ACP1: variants seen among roughly 807,000 people sequenced by gnomAD.
ACP1 encodes the protein acid phosphatase 1, also known as low molecular weight phosphotyrosine protein phosphatase.
ACP1 carries 23 observed loss-of-function variants against 23.4 expected under a neutral mutation model. The observed-to-expected ratio is 0.98, with a 90% CI of 0.71 to 1.39. The LOEUF is 1.39. ACP1 is among the 40% of genes most tolerant of loss of function. The pLI is 0.00. For synonymous variants in ACP1, 72 were observed against 67.2 expected, an observed-to-expected ratio of 1.07 and a Z score of -0.35; for missense variants, 180 against 197.7, an observed-to-expected ratio of 0.91 and a Z score of 0.54.
At chr2:265,223 G>A (rs1435805516) in intron 1 of ACP1, 4 of 511,728 alleles carry the variant, frequency 7.8e-6, no homozygotes, top group Non-Finnish European at 1.4e-5. Flanking sequence ...GTCCCCTCGC[G>A]CCTGCCATAT....
At chr2:275,798 A>T (rs1211027791) in intron 4 of ACP1, among the ~76,000 whole-genome samples, 3 of 152,202 alleles carry the variant, frequency 2.0e-5, no homozygotes, top group Non-Finnish European at 4.4e-5. Context: ...ACGGATCATA[A>T]TTTAATGTCA....
intron 1 of ACP1, among the ~76,000 whole-genome samples, chr2:268,640 G>A (rs1200561211): frequency 1.3e-5 from 2 of 152,186 alleles, no homozygotes; most frequent in Non-Finnish European, 2.9e-5. Flanking sequence ...CCTTTTATGA[G>A]TCTCCATCCT....
Position 272,080 on chromosome 2 carries a change from A to AC in ACP1, c.167dup (p.Asp57Ter), listed in dbSNP as rs1325618349. Reference sequence around the variant, plus strand: ...GCAACTTCCGGGTATGAGATAGGGAACCCCCCTGACTACCGAGGGCAGAGC... The same window carrying AC: ...GCAACTTCCGGGTATGAGATAGGGAACCCCCCCTGACTACCGAGGGCAGAGC... On this transcript the variant is annotated frameshift_variant, in exon 3 of 6. Coordinates refer to ENST00000272065, the MANE Select transcript of ACP1 (RefSeq NM_004300.4). LOFTEE classifies it high-confidence loss of function. 1 of 1,613,422 alleles carries AC rather than the reference A, an allele frequency of 6.2e-7. No individual in the cohort carries two copies. The highest frequency in any genetic ancestry group is 8.5e-7 in the Non-Finnish European group (1 of 1,179,914).
At chr2:266,336 T>G (rs1669880440) in intron 1 of ACP1, 1 of 152,228 alleles carries the variant, frequency 6.6e-6, no homozygotes, top group African/African-American at 2.4e-5. Context: ...TTTTTAAGAC[T>G]CATTGAAGGC....
At chr2:266,604 T>C (rs951504467) in intron 1 of ACP1, among the ~76,000 whole-genome samples, 2 of 152,206 alleles carry the variant, frequency 1.3e-5, no homozygotes, top group African/African-American at 2.4e-5. Context: ...AATTGGAACA[T>C]GTGTCTGCTC....
chr2:272,573 TTC>T, intron 3 of ACP1: 1 of 959,362 alleles, frequency 1.0e-6, no homozygotes, highest in Non-Finnish European at 1.5e-6. Flanking sequence ...GTGCTCTGTC[TTC>T]TGTTCCTTCC....
intron 1 of ACP1, among the ~76,000 whole-genome samples, chr2:267,268 C>A (rs774696314): frequency 1.3e-5 from 2 of 152,146 alleles, no homozygotes; most frequent in Non-Finnish European, 2.9e-5. Flanking sequence ...GGCATGCATT[C>A]CTCTAAGTGG....
Position 278,117 on chromosome 2 carries a change from A to T in ACP1, c.*813A>T, listed in dbSNP as rs1158191316. On this transcript the variant is annotated 3_prime_UTR_variant, in exon 6 of 6. Coordinates refer to ENST00000272065, the MANE Select transcript of ACP1 (RefSeq NM_004300.4). ...TAAAATAATTTTAAAAGTTGGGAAA[A>T]GTGTTATTATTTGGCATGCTTAAAT... 2.0e-5 allele frequency: 3 copies of T among 152,244 alleles called. No homozygotes were observed. The highest frequency in any genetic ancestry group is 4.4e-5 in the Non-Finnish European group (3 of 68,044). The allele number at this position is 152,244 out of a possible 1,614,324, so 9.4% of individuals were successfully genotyped here.
rs1669801981 is a variant in ACP1, at chr2:264,968, G to A, written c.4G>A (p.Ala2Thr). Residue 2 changes from alanine (A) to threonine (T), a missense_variant, in exon 1 of 6, where the codon GCG becomes ACG. Ala to Thr is a moderately conservative substitution (Grantham distance 58). Around this residue, in one of 3 missense-constraint regions of ACP1, gnomAD observed 132 missense variants for 124.1 expected, o/e 1.06. Transcript: ENST00000272065. ...CGGCGCCTCTGCGCGCGGGAAGATG[G>A]CGGAACAGGCTACCAAGTCCGTGCT... MAEQATKSVLFV... is the reference protein window; with the variant it reads MTEQATKSVLFV... 5 of 1,612,646 alleles carry A rather than the reference G, an allele frequency of 3.1e-6. 1 individual carries two copies. The African/African-American group carries it at 4.0e-5, about 13-fold the overall frequency.
At chr2:273,527 A>T (rs1670098568) in intron 3 of ACP1, among the ~76,000 whole-genome samples, 1 of 152,210 alleles carries the variant, frequency 6.6e-6, no homozygotes, top group South Asian at 2.1e-4. Context: ...ATTCACCTGT[A>T]GTTCGCGGCT....
chr2:270,078 A>G (rs529754092), intron 1 of ACP1, among the ~76,000 whole-genome samples: 19 of 152,276 alleles, frequency 1.2e-4, no homozygotes, highest in Non-Finnish European at 2.6e-4. Context: ...GCCTCTTACA[A>G]GGTCTCTCCA....
At chr2:273,785 T>A (rs1670105129) in intron 3 of ACP1, among the ~76,000 whole-genome samples, 2 of 152,250 alleles carry the variant, frequency 1.3e-5, no homozygotes, top group African/African-American at 4.8e-5. Flanking sequence ...AGTCTTTTTT[T>A]ATGAAAAATT....
At chr2:272,197 C>A in intron 3 of ACP1, 47 bp downstream of exon 3, 1 of 1,614,144 alleles carries the variant, frequency 6.2e-7, no homozygotes, top group Non-Finnish European at 8.5e-7. Context: ...TTCAGTGGGT[C>A]ATTGACAGCG....
In ACP1 at chr2:278,165, G is replaced by A. The variant is rs1398735012; in HGVS notation, c.*861G>A. 6.6e-6 allele frequency: 1 copy of A among 152,174 alleles called. No individual in the cohort carries two copies. Among genetic ancestry groups the A allele is most frequent in the Non-Finnish European group, 1.5e-5 (1 of 68,034 alleles). The allele number at this position is 152,174 out of a possible 1,614,324, so 9.4% of individuals were successfully genotyped here. On this transcript the variant is annotated 3_prime_UTR_variant, in exon 6 of 6. Coordinates refer to ENST00000272065, the MANE Select transcript of ACP1 (RefSeq NM_004300.4). ...AATATTGAATAAGTATTCTTCATCA[G>A]CATTTAATAAATGTATAGGCAGATG...
chr2:275,140 A>G lies in ACP1; in HGVS notation c.232A>G (p.Ile78Val). Residue 78 changes from isoleucine to valine, a missense_variant and splice_region_variant, in exon 4 of 6, where the codon ATT becomes GTT. Around this residue, in one of 3 missense-constraint regions of ACP1, gnomAD observed 132 missense variants for 124.1 expected, o/e 1.06. Transcript: ENST00000272065. ...GIPMSHVARQ[I>V]TKEDFATFDY... ...GTTTTGACTTCTTATTCAATTTTAG[A>G]TTACCAAAGAAGATTTTGCCACATT... 6.7e-7 allele frequency: 1 copy of G among 1,492,430 alleles called. No individual in the cohort carries two copies. The highest frequency in any genetic ancestry group is 1.3e-5 in the South Asian group (1 of 78,856). The allele number at this position is 1,492,430 out of a possible 1,614,324, so 92.4% of individuals were successfully genotyped here. A position where few individuals can be genotyped will look rare whatever the true frequency, so the allele number is the denominator to read the frequency against.
intron 3 of ACP1, among the ~76,000 whole-genome samples, chr2:273,955 G>A (rs1373407517): frequency 6.6e-6 from 1 of 152,084 alleles, no homozygotes; most frequent in Non-Finnish European, 1.5e-5. Flanking sequence ...GAGCCTAGGA[G>A]GTCAAGACCA....
At position 274,558 on chromosome 2, in the gene ACP1, C is replaced by G. The variant is rs375594665; in HGVS notation, c.232-582C>G. Reference sequence around the variant, plus strand: ...AAAATAAAGGAGGACTGTCAGTTATCACTCCTGTGTTTCTTTCTTAGTGAC... The same window carrying G: ...AAAATAAAGGAGGACTGTCAGTTATGACTCCTGTGTTTCTTTCTTAGTGAC... On this transcript the variant is annotated intron_variant, in intron 3 of 5. Transcript: ENST00000272065. The G allele has an allele frequency of 7.0e-4, 107 of 152,286 alleles. 1 individual carries two copies. The highest frequency in any genetic ancestry group is 2.5e-3 in the African/African-American group (103 of 41,554). The allele number at this position is 152,286 out of a possible 1,614,324, so 9.4% of individuals were successfully genotyped here.
intron 1 of ACP1, 24 bp from the exon 2 acceptor site, chr2:271,842 C>G (rs1229582085): frequency 3.9e-5 from 62 of 1,580,246 alleles, no homozygotes; most frequent in Non-Finnish European, 5.1e-5. Context: ...AACCCTGTTT[C>G]CCCACCCCTC....
chr2:267,868 C>A (rs944160577), intron 1 of ACP1, among the ~76,000 whole-genome samples: 5 of 152,200 alleles, frequency 3.3e-5, no homozygotes, highest in African/African-American at 1.2e-4. Flanking sequence ...ATATGATGAA[C>A]CTGGCTGTGT....
Sources: allele counts gnomAD v4.1 joint callset (sites outside exome capture counted in the v4.1 genomes callset), GRCh38; gene constraint gnomAD v4.1.1; regional missense constraint gnomAD v4.1.1; transcripts MANE v1.5; gene names NCBI Gene and HGNC (gene_info 2026-07-23, HGNC 2026-07-21).